CDH13: variants seen among roughly 807,000 people sequenced by gnomAD.
CDH13 encodes the protein cadherin 13.
A neutral mutation model predicts 63.8 loss-of-function variants in CDH13; 24 were observed. The observed-to-expected ratio is 0.38, with a 90% CI of 0.27 to 0.53. The LOEUF (loss-of-function observed/expected upper bound fraction) is 0.53. Ranked by LOEUF, CDH13 falls within the 20% of genes least tolerant of loss-of-function variation. The pLI, the probability that CDH13 is intolerant of heterozygous loss-of-function variation, is 0.85. For synonymous variants in CDH13, 503 were observed against 355.3 expected, an observed-to-expected ratio of 1.42 and a Z score of -4.67; for missense variants, 1,049 against 903.1, an observed-to-expected ratio of 1.16 and a Z score of -2.07.
At position 82,743,211 on chromosome 16, in the gene CDH13, A is replaced by G. The variant is rs573858503; in HGVS notation, c.46-115151A>G. 1.1e-4 allele frequency among the ~76,000 whole-genome samples: 17 copies of G among 152,300 alleles called. No individual in the cohort carries two copies. In the South Asian group the frequency reaches 1.5e-3, roughly 13 times the overall value. On this transcript the variant is annotated intron_variant, in intron 1 of 13. Coordinates refer to ENST00000567109, the MANE Select transcript of CDH13 (RefSeq NM_001257.5). Reference sequence around the variant, plus strand: ...TTGAACAACAGTGAACATTTTAATAATTGTAGACCAGTGCTAATATGTTTT... The same window carrying G: ...TTGAACAACAGTGAACATTTTAATAGTTGTAGACCAGTGCTAATATGTTTT...
chr16:83,580,058 A>G (rs1905413438), intron 7 of CDH13, among the ~76,000 whole-genome samples: 1 of 152,102 alleles, frequency 6.6e-6, no homozygotes, highest in Non-Finnish European at 1.5e-5. Context: ...CTGATAGATA[A>G]TGGATGAGGG....
intron 1 of CDH13, among the ~76,000 whole-genome samples, chr16:82,669,752 A>G (rs569267279): frequency 1.3e-5 from 2 of 152,244 alleles, no homozygotes; most frequent in East Asian, 1.9e-4. Context: ...GGACGGAACC[A>G]TTTGCTCCCC....
chr16:82,778,630 T>G (rs970291591), intron 1 of CDH13, among the ~76,000 whole-genome samples: 2 of 151,276 alleles, frequency 1.3e-5, no homozygotes, highest in Admixed American at 6.6e-5. Flanking sequence ...CAGCATTTAT[T>G]AGATATGGCT....
At chr16:82,772,290 G>A (rs1291475423) in intron 1 of CDH13, among the ~76,000 whole-genome samples, 2 of 152,122 alleles carry the variant, frequency 1.3e-5, no homozygotes, top group East Asian at 3.9e-4. Flanking sequence ...GGAGCTGCTG[G>A]CCTTTGGGAA....
intron 2 of CDH13, among the ~76,000 whole-genome samples, chr16:82,895,882 A>G (rs746851477): frequency 1.8e-4 from 27 of 152,172 alleles, no homozygotes; most frequent in Non-Finnish European, 2.6e-4. Flanking sequence ...GAGAGCCTTG[A>G]AGGGGTACAA....
intron 6 of CDH13, among the ~76,000 whole-genome samples, chr16:83,367,621 G>T (rs1597844751): frequency 6.6e-6 from 1 of 152,184 alleles, no homozygotes; most frequent in African/African-American, 2.4e-5. Context: ...AGCAGTGTAT[G>T]AGGGTTCTAA....
chr16:83,419,033 A>G (rs1055048745), intron 6 of CDH13, among the ~76,000 whole-genome samples: 1 of 152,102 alleles, frequency 6.6e-6, no homozygotes, highest in African/African-American at 2.4e-5. Flanking sequence ...TGTTTTCTCA[A>G]ACAGCCAAGC....
intron 10 of CDH13, among the ~76,000 whole-genome samples, chr16:83,705,548 G>A (rs11864426): frequency 0.2 from 30,124 of 152,064 alleles, 3,503 homozygotes; most frequent in African/African-American, 0.33. Context: ...CGTGAACCCG[G>A]GAGGCGGAGC....
chr16:83,624,944 C>A (rs1009581332), intron 8 of CDH13, among the ~76,000 whole-genome samples: 4 of 152,200 alleles, frequency 2.6e-5, no homozygotes, highest in Non-Finnish European at 5.9e-5. Context: ...TCTGCACCAG[C>A]TTTGGGAGAG....
chr16:83,057,715 A>G (rs966743420), intron 3 of CDH13, among the ~76,000 whole-genome samples: 3 of 152,158 alleles, frequency 2.0e-5, no homozygotes, highest in Admixed American at 1.3e-4. Flanking sequence ...GCTGTCTTGA[A>G]TATTCTTAAG....
intron 1 of CDH13, among the ~76,000 whole-genome samples, chr16:82,714,304 A>T (rs1313703895): frequency 5.3e-5 from 8 of 152,172 alleles, no homozygotes; most frequent in Non-Finnish European, 1.0e-4. Flanking sequence ...TTGAAGTCCA[A>T]ATCCCCAGGA....
intron 6 of CDH13, among the ~76,000 whole-genome samples, chr16:83,486,059 C>T (rs1220259890): frequency 6.6e-6 from 1 of 152,082 alleles, no homozygotes; most frequent in Non-Finnish European, 1.5e-5. Flanking sequence ...AGGAGAATCA[C>T]TTGAACCTGG....
intron 11 of CDH13, among the ~76,000 whole-genome samples, chr16:83,765,725 A>C (rs1232201987): frequency 1.3e-5 from 2 of 152,194 alleles, no homozygotes; most frequent in African/African-American, 4.8e-5. Flanking sequence ...GAGAACACAA[A>C]GTATAAAATA....
intron 1 of CDH13, among the ~76,000 whole-genome samples, chr16:82,821,509 T>C (rs2037999147): frequency 6.6e-6 from 1 of 152,180 alleles, no homozygotes. Flanking sequence ...ATTCCTTCTT[T>C]CCATAATTGG....
intron 3 of CDH13, among the ~76,000 whole-genome samples, chr16:83,040,833 G>A (rs1388813733): frequency 1.3e-5 from 2 of 152,182 alleles, no homozygotes; most frequent in African/African-American, 4.8e-5. Context: ...CATAGTGATT[G>A]CATTGTTAAA....
At chr16:82,800,217 G>A (rs886628405) in intron 1 of CDH13, among the ~76,000 whole-genome samples, 2 of 152,128 alleles carry the variant, frequency 1.3e-5, no homozygotes, top group African/African-American at 4.8e-5. Context: ...CATATTTTGA[G>A]ATTATGACAA....
intron 2 of CDH13, among the ~76,000 whole-genome samples, chr16:82,945,712 G>T (rs1904638092): frequency 6.6e-6 from 1 of 152,120 alleles, no homozygotes; most frequent in African/African-American, 2.4e-5. Flanking sequence ...ACTTCACTCT[G>T]CTCCTTCCAT....
intron 1 of CDH13, among the ~76,000 whole-genome samples, chr16:82,662,441 A>G (rs1207680220): frequency 1.3e-5 from 2 of 152,238 alleles, no homozygotes; most frequent in African/African-American, 4.8e-5. Flanking sequence ...AAAACTGATG[A>G]AAATGATTGA....
intron 1 of CDH13, among the ~76,000 whole-genome samples, chr16:82,658,825 A>G (rs1194806386): frequency 6.6e-6 from 1 of 152,252 alleles, no homozygotes; most frequent in Non-Finnish European, 1.5e-5. Context: ...CCCATAGAAG[A>G]AAACATACAT....
Sources: gnomAD v4.1 joint callset for allele counts (sites outside exome capture counted in the v4.1 genomes callset) on GRCh38, gnomAD v4.1.1 for gene constraint, MANE v1.5 for transcripts, NCBI Gene and HGNC (gene_info 2026-07-23, HGNC 2026-07-21) for gene names.